SPMIP11: variants seen among roughly 807,000 people sequenced by gnomAD.
The protein encoded by SPMIP11 is long intergenic non-protein coding RNA 935.
At chr12:48,738,044 T>C in the SPMIP11 span, among the ~76,000 whole-genome samples, 1 of 150,088 alleles carries the variant, frequency 6.7e-6, no homozygotes, top group Non-Finnish European at 1.5e-5. Context: ...AGGATGATCT[T>C]GAACTCCTAA....
At chr12:48,736,137 C>T in the SPMIP11 span, 7 of 449,968 alleles carry the variant, frequency 1.6e-5, no homozygotes, top group East Asian at 5.0e-4. Flanking sequence ...TCCATGGTAG[C>T]TCACGCCTGT....
the SPMIP11 span, among the ~76,000 whole-genome samples, chr12:48,765,238 A>G: frequency 6.6e-6 from 1 of 152,120 alleles, no homozygotes; most frequent in East Asian, 1.9e-4. Context: ...AAGTGTCCAT[A>G]GTAATCCTGT....
At chr12:48,757,500 G>A in the SPMIP11 span, among the ~76,000 whole-genome samples, 3 of 151,544 alleles carry the variant, frequency 2.0e-5, no homozygotes, top group African/African-American at 7.3e-5. Context: ...ACAAAAATGA[G>A]CCAGGCGTGG....
the SPMIP11 span, among the ~76,000 whole-genome samples, chr12:48,736,699 G>GTTTTTTTTTTT: frequency 6.9e-6 from 1 of 144,316 alleles, no homozygotes; most frequent in South Asian, 2.1e-4. Flanking sequence ...TGGGTCGCAT[G>GTTTTTTTTTTT]TTTTTTTTTT....
chr12:48,747,761 T>A, the SPMIP11 span, among the ~76,000 whole-genome samples: 1 of 152,208 alleles, frequency 6.6e-6, no homozygotes, highest in African/African-American at 2.4e-5. Flanking sequence ...ATTCCTAGTA[T>A]TTTCTTGAAG....
At chr12:48,747,056 A>G in the SPMIP11 span, among the ~76,000 whole-genome samples, 168 of 152,304 alleles carry the variant, frequency 1.1e-3, no homozygotes, top group African/African-American at 3.9e-3. Flanking sequence ...ACTCATAAGC[A>G]TTATCTGCCT....
the SPMIP11 span, among the ~76,000 whole-genome samples, chr12:48,758,133 A>G: frequency 2.0e-5 from 3 of 152,154 alleles, no homozygotes; most frequent in African/African-American, 7.2e-5. Flanking sequence ...GCACCACTGT[A>G]CTCCAGCCTG....
At chr12:48,736,232 C>T in the SPMIP11 span, 3 of 335,568 alleles carry the variant, frequency 8.9e-6, no homozygotes, top group Non-Finnish European at 1.8e-5. Context: ...GGGGAAACCT[C>T]GTCTCTACCC....
At chr12:48,728,661 TC>T in the SPMIP11 span, among the ~76,000 whole-genome samples, 166 of 128,464 alleles carry the variant, frequency 1.3e-3, no homozygotes, top group African/African-American at 4.8e-3. Flanking sequence ...TGAGCTGAAA[TC>T]GAGCCACTGC....
At chr12:48,760,492 C>T in the SPMIP11 span, among the ~76,000 whole-genome samples, 36 of 150,400 alleles carry the variant, frequency 2.4e-4, 1 homozygote, top group Non-Finnish European at 4.4e-4. Context: ...TACCCTTTAT[C>T]AACCTACTCC....
At chr12:48,751,408 G>T in the SPMIP11 span, among the ~76,000 whole-genome samples, 1 of 152,214 alleles carries the variant, frequency 6.6e-6, no homozygotes, top group African/African-American at 2.4e-5. Flanking sequence ...GAGCCCAGGG[G>T]TCTGAGACCA....
At chr12:48,752,097 G>A in the SPMIP11 span, among the ~76,000 whole-genome samples, 1 of 150,758 alleles carries the variant, frequency 6.6e-6, no homozygotes, top group Non-Finnish European at 1.5e-5. Context: ...ACAAAAAAAG[G>A]TGTATTGTGG....
the SPMIP11 span, chr12:48,770,873 T>C: frequency 1.9e-6 from 3 of 1,614,244 alleles, no homozygotes; most frequent in Non-Finnish European, 8.5e-7. Context: ...GCGGCCCACC[T>C]GATCGTAGGT....
At chr12:48,750,870 C>T in the SPMIP11 span, among the ~76,000 whole-genome samples, 1 of 152,194 alleles carries the variant, frequency 6.6e-6, no homozygotes, top group Non-Finnish European at 1.5e-5. Flanking sequence ...AATACATTCA[C>T]TCAAACTGCT....
At chr12:48,734,502 C>T in the SPMIP11 span, among the ~76,000 whole-genome samples, 1 of 152,088 alleles carries the variant, frequency 6.6e-6, no homozygotes, top group African/African-American at 2.4e-5. Context: ...ACCCTTTTTC[C>T]AGTATAGGTA....
the SPMIP11 span, among the ~76,000 whole-genome samples, chr12:48,743,909 G>A: frequency 7.3e-6 from 1 of 137,050 alleles, no homozygotes; most frequent in African/African-American, 3.0e-5. Flanking sequence ...CTCCAGCCTG[G>A]GGAACAAGAG....
At chr12:48,753,219 T>C in the SPMIP11 span, among the ~76,000 whole-genome samples, 1 of 152,134 alleles carries the variant, frequency 6.6e-6, no homozygotes, top group Non-Finnish European at 1.5e-5. Flanking sequence ...ATTATGCCTG[T>C]TCTTGTCTTG....
the SPMIP11 span, among the ~76,000 whole-genome samples, chr12:48,739,397 G>A: frequency 1.3e-5 from 2 of 152,120 alleles, no homozygotes; most frequent in African/African-American, 2.4e-5. Context: ...AAGGTATTGA[G>A]GGTCTTAATT....
the SPMIP11 span, among the ~76,000 whole-genome samples, chr12:48,752,747 C>T: frequency 3.3e-5 from 5 of 149,574 alleles, no homozygotes; most frequent in African/African-American, 9.9e-5. Context: ...TCTCGGCTCA[C>T]TGCAACCTCC....
Sources: allele counts gnomAD v4.1 joint callset (sites outside exome capture counted in the v4.1 genomes callset), GRCh38; gene constraint gnomAD v4.1.1; transcripts MANE v1.5; gene names NCBI Gene and HGNC (gene_info 2026-07-23, HGNC 2026-07-21).